Variants in CLYBL observed in about 807,000 individuals in gnomAD.
The protein encoded by CLYBL is citramalyl-CoA lyase.
In CLYBL, 31 loss-of-function variants were observed where a neutral mutation model predicts 38.9. The ratio of observed to expected loss-of-function variants is 0.80; its 90% confidence interval spans 0.60 to 1.08. The LOEUF (loss-of-function observed/expected upper bound fraction) is 1.08. CLYBL is among the 50% of genes least tolerant of loss of function. CLYBL has a pLI of 0.00. For synonymous variants in CLYBL, 171 were observed against 158.6 expected (o/e 1.08, Z -0.59); for missense variants, 434 against 411.6 (o/e 1.05, Z -0.47).
downstream of CLYBL, chr13:99,892,579 G>A (rs1360898060): frequency 6.6e-6 from 1 of 152,650 alleles, no homozygotes; most frequent in Non-Finnish European, 1.5e-5. Context: ...GACTCTGGAC[G>A]ACTGTTCCTT....
intron 1 of CLYBL, among the ~76,000 whole-genome samples, chr13:99,759,654 C>T (rs147747017): frequency 2.6e-5 from 4 of 152,218 alleles, no homozygotes; most frequent in Non-Finnish European, 5.9e-5. Flanking sequence ...TGTCAACCAG[C>T]AGCACCCATG....
At chr13:99,850,453 T>G (rs2139163182) in intron 2 of CLYBL, among the ~76,000 whole-genome samples, 1 of 152,244 alleles carries the variant, frequency 6.6e-6, no homozygotes, top group East Asian at 1.9e-4. Context: ...CAAAACCCAT[T>G]GAGCATGCAC....
At chr13:99,608,800 G>A (rs1207802841) in intron 1 of CLYBL, among the ~76,000 whole-genome samples, 1 of 142,674 alleles carries the variant, frequency 7.0e-6, no homozygotes, top group African/African-American at 2.6e-5. Flanking sequence ...TTATTCTAAT[G>A]AGAATTCAGA....
chr13:99,757,045 C>T (rs1365006033), intron 1 of CLYBL, among the ~76,000 whole-genome samples: 1 of 151,974 alleles, frequency 6.6e-6, no homozygotes, highest in African/African-American at 2.4e-5. Flanking sequence ...CATAAGCTTG[C>T]ACCACCACAC....
At chr13:99,717,054 G>A (rs1049975681) in intron 1 of CLYBL, among the ~76,000 whole-genome samples, 4 of 151,704 alleles carry the variant, frequency 2.6e-5, no homozygotes, top group African/African-American at 7.3e-5. Flanking sequence ...GCCTCGCAAA[G>A]AGCTGGGATT....
intron 2 of CLYBL, among the ~76,000 whole-genome samples, chr13:99,820,427 C>T (rs2050565782): frequency 6.6e-6 from 1 of 152,114 alleles, no homozygotes; most frequent in African/African-American, 2.4e-5. Context: ...AGTAACAGCC[C>T]AGCAATCAAT....
At chr13:99,745,558 A>G (rs1383369329) in intron 1 of CLYBL, among the ~76,000 whole-genome samples, 2 of 152,244 alleles carry the variant, frequency 1.3e-5, no homozygotes, top group Non-Finnish European at 2.9e-5. Context: ...AGCACATTAA[A>G]CATACTTCAA....
At chr13:99,810,456 A>G (rs2050318660) in intron 2 of CLYBL, among the ~76,000 whole-genome samples, 1 of 152,050 alleles carries the variant, frequency 6.6e-6, no homozygotes, top group Non-Finnish European at 1.5e-5. Flanking sequence ...GTGGAGGGGG[A>G]GGCACATGCC....
intron 1 of CLYBL, among the ~76,000 whole-genome samples, chr13:99,684,773 T>C (rs1165136542): frequency 6.6e-6 from 1 of 152,228 alleles, no homozygotes; most frequent in East Asian, 1.9e-4. Flanking sequence ...CCCATTTGTT[T>C]CCCACTGCTA....
chr13:99,866,546 A>G, intron 6 of CLYBL, 139 bp downstream of exon 6: 5 of 674,998 alleles, frequency 7.4e-6, no homozygotes, highest in Middle Eastern at 3.5e-4. Context: ...CAAGTCACAC[A>G]GGGGAAGAAC....
chr13:99,720,503 A>G (rs1384778085), intron 1 of CLYBL, among the ~76,000 whole-genome samples: 4 of 151,820 alleles, frequency 2.6e-5, no homozygotes, highest in Admixed American at 2.6e-4. Flanking sequence ...TTTCTTTTGG[A>G]TTGAGTCTTT....
At chr13:99,815,789 G>C (rs1216690328) in intron 2 of CLYBL, among the ~76,000 whole-genome samples, 1 of 152,142 alleles carries the variant, frequency 6.6e-6, no homozygotes. Flanking sequence ...AAGCAGGAGA[G>C]TCACTTGAAC....
chr13:99,615,099 T>C (rs2046688681), intron 1 of CLYBL, among the ~76,000 whole-genome samples: 1 of 152,212 alleles, frequency 6.6e-6, no homozygotes, highest in South Asian at 2.1e-4. Context: ...GACATAGACA[T>C]GGCTGTGGGT....
chr13:99,782,550 C>T (rs191134350), intron 2 of CLYBL, among the ~76,000 whole-genome samples: 2 of 152,132 alleles, frequency 1.3e-5, no homozygotes, highest in African/African-American at 4.8e-5. Flanking sequence ...AGGATGGGTA[C>T]CTTGTTTTGG....
chr13:99,806,998 C>A (rs2050244465), intron 2 of CLYBL, among the ~76,000 whole-genome samples: 1 of 152,180 alleles, frequency 6.6e-6, no homozygotes, highest in Admixed American at 6.5e-5. Flanking sequence ...GAAGGATGTA[C>A]AGAGACCCTA....
intron 2 of CLYBL, among the ~76,000 whole-genome samples, chr13:99,779,397 C>T (rs1263719273): frequency 2.0e-5 from 3 of 152,150 alleles, no homozygotes; most frequent in Admixed American, 6.5e-5. Context: ...GCCTCGGCCT[C>T]CCAAAGTGCA....
At chr13:99,848,851 A>G (rs1156701792) in intron 2 of CLYBL, among the ~76,000 whole-genome samples, 1 of 152,234 alleles carries the variant, frequency 6.6e-6, no homozygotes, top group Non-Finnish European at 1.5e-5. Flanking sequence ...TAGTATTGGG[A>G]AAGATGGCTG....
intron 2 of CLYBL, among the ~76,000 whole-genome samples, chr13:99,789,655 T>G (rs2049874614): frequency 6.6e-6 from 1 of 152,244 alleles, no homozygotes; most frequent in Non-Finnish European, 1.5e-5. Context: ...GATGTGGTGC[T>G]GAGAAGAATG....
At chr13:99,882,947 G>A (rs745362611) in intron 7 of CLYBL, among the ~76,000 whole-genome samples, 25 of 152,068 alleles carry the variant, frequency 1.6e-4, no homozygotes, top group Non-Finnish European at 2.2e-4. Context: ...TGTCCCACTC[G>A]GAAGTAGGGC....
Sources: gnomAD v4.1 joint callset for allele counts (sites outside exome capture counted in the v4.1 genomes callset) on GRCh38, gnomAD v4.1.1 for gene constraint, MANE v1.5 for transcripts, NCBI Gene and HGNC (gene_info 2026-07-23, HGNC 2026-07-21) for gene names.